CENPN: variants seen among roughly 807,000 people sequenced by gnomAD.
CENPN encodes interphase centromere complex protein 32.
Under a neutral mutation model 48.6 loss-of-function variants are expected in CENPN, and 36 were observed. The observed-to-expected ratio is 0.74, with a 90% CI of 0.57 to 0.98. CENPN has a LOEUF of 0.98. Among genes scored for constraint, CENPN ranks in the 50% least tolerant of loss-of-function variants. CENPN has a pLI of 0.00. For missense variants in CENPN, 439 were observed against 399.2 expected, an observed-to-expected ratio of 1.10 and a Z score of -0.85; for synonymous variants, 166 against 135.2, an observed-to-expected ratio of 1.23 and a Z score of -1.58.
At chr16:81,028,132 C>T (rs759176908) in intron 9 of CENPN, 39 bp from the exon 10 acceptor site, 4 of 1,422,054 alleles carry the variant, frequency 2.8e-6, no homozygotes, top group East Asian at 4.6e-5. Context: ...CGTATTTATA[C>T]AATATGTTTA....
chr16:81,028,929 C>T lies in CENPN; in HGVS notation c.*278C>T. On this transcript the variant is annotated 3_prime_UTR_variant, in exon 11 of 11. Transcript: ENST00000305850. The stretch of plus-strand genomic sequence containing the variant: ...ACTTGACCTTGAGTGCCTGAATGCT[C>T]TGAAATCAAGCATATGGCACAGCGC... 1.8e-6 allele frequency: 2 copies of T among 1,102,224 alleles called. No homozygotes were observed. The highest frequency in any genetic ancestry group is 2.2e-6 in the Non-Finnish European group (2 of 906,096). 68.3% of individuals were successfully genotyped at this position (1,102,224 alleles called of 1,614,324 possible).
intron 1 of CENPN, among the ~76,000 whole-genome samples, chr16:81,010,940 A>G (rs999641912): frequency 6.6e-6 from 1 of 152,174 alleles, no homozygotes; most frequent in African/African-American, 2.4e-5. Flanking sequence ...TTCTCAGTAC[A>G]GTAGCGAGAT....
At position 81,014,006 on chromosome 16, in the gene CENPN, G is replaced by A. The variant is rs1969842713; in HGVS notation, c.172-130G>A. On this transcript the variant is annotated intron_variant, in intron 2 of 10. Transcript: ENST00000305850. Reference sequence around the variant, plus strand: ...CCATTGGTTAACAGGAGAAGAGATTGGAGATGGGTTGTCAGTAAAGTACTG... The same window carrying A: ...CCATTGGTTAACAGGAGAAGAGATTAGAGATGGGTTGTCAGTAAAGTACTG... 6.8e-6 allele frequency: 4 copies of A among 588,790 alleles called. No individual in the cohort carries two copies. The South Asian group carries it at 9.6e-5, about 14-fold the overall frequency. 36.5% of individuals were successfully genotyped at this position (588,790 alleles called of 1,614,324 possible). A position where few individuals can be genotyped will look rare whatever the true frequency, so the allele number is the denominator to read the frequency against.
intron 8 of CENPN, among the ~76,000 whole-genome samples, chr16:81,026,193 A>ATG (rs1483033106): frequency 2.1e-5 from 3 of 144,428 alleles, no homozygotes; most frequent in Non-Finnish European, 4.5e-5. Flanking sequence ...GTGTATATAT[A>ATG]TGTATATATA....
chr16:81,029,261 C>T lies in CENPN; in HGVS notation c.*610C>T, dbSNP rs1359599339. 1 of 910,090 alleles carries T rather than the reference C, an allele frequency of 1.1e-6. No individual in the cohort carries two copies. The highest frequency in any genetic ancestry group is 1.8e-5 in the African/African-American group (1 of 55,628). 56.4% of individuals were successfully genotyped at this position (910,090 alleles called of 1,614,324 possible). On this transcript the variant is annotated 3_prime_UTR_variant, in exon 11 of 11. Transcript: ENST00000305850. ...ATAATCTATTTTATCATGTGTATAA[C>T]ATTCAAACTGACAAATATATTGACT...
At chr16:81,021,837 C>T (rs746684550) in intron 6 of CENPN, among the ~76,000 whole-genome samples, 1 of 151,958 alleles carries the variant, frequency 6.6e-6, no homozygotes, top group Non-Finnish European at 1.5e-5. Flanking sequence ...TCACTGCACC[C>T]TCCACCCCCA....
rs114422383 is a variant in CENPN, at chr16:81,030,107, C to G, written c.*1456C>G. On this transcript the variant is annotated 3_prime_UTR_variant, in exon 11 of 11. Transcript: ENST00000305850. ...ACCATGAGAATAGTATGGGGGAAAT[C>G]GTTCCCATGACTCAAGTATCTCCAC... 1 of 654,384 alleles carries G rather than the reference C, an allele frequency of 1.5e-6. No homozygotes were observed. 40.5% of individuals were successfully genotyped at this position (654,384 alleles called of 1,614,324 possible). A position where few individuals can be genotyped will look rare whatever the true frequency, so the allele number is the denominator to read the frequency against.
At chr16:81,016,273 T>C (rs115570438) in intron 3 of CENPN, among the ~76,000 whole-genome samples, 2,380 of 152,292 alleles carry the variant, frequency 0.016, 54 homozygotes, top group African/African-American at 0.054. Flanking sequence ...GGCAGGAGGA[T>C]TGCTTGAGCC....
intron 1 of CENPN, among the ~76,000 whole-genome samples, chr16:81,007,609 G>A (rs1486167701): frequency 6.6e-6 from 1 of 152,164 alleles, no homozygotes; most frequent in Non-Finnish European, 1.5e-5. Flanking sequence ...CCAGAGTTGG[G>A]GTTTTGCTTT....
At position 81,029,192 on chromosome 16, in the gene CENPN, C is replaced by T. The variant is rs889057711; in HGVS notation, c.*541C>T. The T allele has an allele frequency of 7.3e-6, 7 of 964,210 alleles. No individual in the cohort carries two copies. The highest frequency in any genetic ancestry group is 1.2e-4 in the Admixed American group (2 of 16,220). 59.7% of individuals were successfully genotyped at this position (964,210 alleles called of 1,614,324 possible). A position where few individuals can be genotyped will look rare whatever the true frequency, so the allele number is the denominator to read the frequency against. On this transcript the variant is annotated 3_prime_UTR_variant, in exon 11 of 11. Transcript: ENST00000305850. The stretch of plus-strand genomic sequence containing the variant: ...GCAAGAGGTTGCATATTTGGTGAGT[C>T]AGTTATATAAAATAGTGTTCTTATT...
chr16:81,032,601 C>G, downstream of CENPN: 1 of 1,612,504 alleles, frequency 6.2e-7, no homozygotes, highest in Non-Finnish European at 8.5e-7. Context: ...AGCTGCTCTG[C>G]TATTCTGGAA....
Position 81,012,102 on chromosome 16 carries a change from C to CTG in CENPN, c.168_169dup (p.Glu57ValfsTer14). On this transcript the variant is annotated frameshift_variant, in exon 2 of 11. Coordinates refer to ENST00000305850, the MANE Select transcript of CENPN (RefSeq NM_001100624.3). LOFTEE classifies it high-confidence loss of function. ...ATCTGTAGTTCAGCACTTGATCCAT[C>CTG]TGTGTGAGGTAACAGTGTTAAAAAT... The CTG allele has an allele frequency of 6.2e-7, 1 of 1,613,978 alleles. No homozygotes were observed. The highest frequency in any genetic ancestry group is 8.5e-7 in the Non-Finnish European group (1 of 1,179,898).
chr16:81,021,571 C>G (rs1451101625), intron 6 of CENPN, among the ~76,000 whole-genome samples: 4 of 152,098 alleles, frequency 2.6e-5, no homozygotes, highest in African/African-American at 9.7e-5. Flanking sequence ...TGACTACTTG[C>G]TTGTCATTTA....
chr16:81,024,084 A>C (rs1970348468), intron 7 of CENPN: 2 of 152,214 alleles, frequency 1.3e-5, no homozygotes, highest in Admixed American at 1.3e-4. Flanking sequence ...CTGTCTCAAA[A>C]AAAAAAGTAG....
chr16:81,027,023 C>G (rs1013277478), intron 9 of CENPN, among the ~76,000 whole-genome samples: 6 of 151,990 alleles, frequency 3.9e-5, no homozygotes, highest in African/African-American at 1.5e-4. Context: ...TCTCGAACGG[C>G]TGGCCTCAGG....
At chr16:81,032,790 C>CTT (rs1039619558), downstream of CENPN, 8 of 1,321,656 alleles carry the variant, frequency 6.1e-6, no homozygotes, top group African/African-American at 1.2e-4. Flanking sequence ...TGCAGGCCTC[C>CTT]TTGTTAAAAT....
At chr16:81,008,945 G>A (rs768913844) in intron 1 of CENPN, among the ~76,000 whole-genome samples, 30 of 152,204 alleles carry the variant, frequency 2.0e-4, no homozygotes, top group Non-Finnish European at 4.0e-4. Flanking sequence ...AGAGGCTCAC[G>A]CCTGTAATCC....
Position 81,018,863 on chromosome 16 carries a change from CAG to C in CENPN, c.354+1033_354+1034del, listed in dbSNP as rs1597314117. 3.3e-5 allele frequency among the ~76,000 whole-genome samples: 5 copies of C among 152,320 alleles called. No homozygotes were observed. In the East Asian group the frequency reaches 5.8e-4, roughly 18 times the overall value. Reference sequence around the variant, plus strand: ...AGAACAAGATCTCAGAGGGAGGAAACAGAGACGTGGGCAAGCTGAGTGCATCT... The same window carrying C: ...AGAACAAGATCTCAGAGGGAGGAAACAGACGTGGGCAAGCTGAGTGCATCT... On this transcript the variant is annotated intron_variant, in intron 5 of 10. Transcript: ENST00000305850.
At chr16:81,028,391 C>A in intron 10 of CENPN, 94 bp downstream of exon 10, 2 of 1,515,958 alleles carry the variant, frequency 1.3e-6, no homozygotes, top group South Asian at 1.2e-5. Context: ...GCTCACCCAT[C>A]ACCCTAGTCT....
Sources: gnomAD v4.1 joint callset for allele counts (sites outside exome capture counted in the v4.1 genomes callset) on GRCh38, gnomAD v4.1.1 for gene constraint, MANE v1.5 for transcripts, NCBI Gene and HGNC (gene_info 2026-07-23, HGNC 2026-07-21) for gene names.